The following LIMS1 variants were observed in gnomAD, a reference collection of about 807,000 sequenced individuals.
LIMS1 encodes LIM zinc finger domain containing 1.
Under a neutral mutation model 44.1 loss-of-function variants are expected in LIMS1, and 18 were observed. The ratio of observed to expected loss-of-function variants is 0.41; its 90% CI spans 0.28 to 0.61. The LOEUF is 0.61. LIMS1 is among the 20% of genes least tolerant of loss of function. The pLI is 0.32. For synonymous variants in LIMS1, 93 were observed against 149.1 expected, an observed-to-expected ratio of 0.62 and a Z score of 2.74; for missense variants, 201 against 422.0, an observed-to-expected ratio of 0.48 and a Z score of 4.59.
chr2:108,615,548 T>C (rs1184514695), intron 1 of LIMS1, among the ~76,000 whole-genome samples: 1 of 152,108 alleles, frequency 6.6e-6, no homozygotes, highest in Non-Finnish European at 1.5e-5. Context: ...AGCAGCTTTG[T>C]GACCAAAGAA....
At chr2:108,544,488 A>G (rs1684419300) in intron 1 of LIMS1, among the ~76,000 whole-genome samples, 1 of 152,114 alleles carries the variant, frequency 6.6e-6, no homozygotes, top group South Asian at 2.1e-4. Context: ...CAGCTTCAAC[A>G]ATTATTATTT....
intron 8 of LIMS1, among the ~76,000 whole-genome samples, chr2:108,680,037 A>G (rs1389090837): frequency 4.9e-4 from 75 of 151,910 alleles, no homozygotes; most frequent in Non-Finnish European, 7.4e-5. Context: ...CCGTCCTGGG[A>G]AACATGGCAA....
At chr2:108,670,987 G>A (rs970251545) in intron 3 of LIMS1, 140 bp downstream of exon 3, 59 of 1,096,670 alleles carry the variant, frequency 5.4e-5, no homozygotes, top group Non-Finnish European at 6.3e-5. Context: ...CCTGGCCAAC[G>A]TAGGGAAACC....
intron 1 of LIMS1, among the ~76,000 whole-genome samples, chr2:108,646,203 A>C (rs559122269): frequency 6.6e-6 from 1 of 152,292 alleles, no homozygotes; most frequent in African/African-American, 2.4e-5. Context: ...ACCACATAGC[A>C]CTTATTCTAA....
At position 108,676,718 on chromosome 2, in the gene LIMS1, G is replaced by T; in HGVS notation, c.774+20G>T. 1 of 1,320,212 alleles carries T rather than the reference G, an allele frequency of 7.6e-7. No individual in the cohort carries two copies. The highest frequency in any genetic ancestry group is 1.0e-6 in the Non-Finnish European group (1 of 959,152). The allele number at this position is 1,320,212 out of a possible 1,614,324, so 81.8% of individuals were successfully genotyped here. ...AACCAGGTATTGACCTTAGTCACTG[G>T]ATGCTAGATAGACTTTTATGAACCT... On this transcript the variant is annotated intron_variant, in intron 7 of 9. Transcript: ENST00000544547.
intron 1 of LIMS1, among the ~76,000 whole-genome samples, chr2:108,577,979 G>A (rs1444630090): frequency 6.6e-6 from 1 of 152,076 alleles, no homozygotes; most frequent in African/African-American, 2.4e-5. Flanking sequence ...GCACAGTCTC[G>A]GCTCACTGCA....
At chr2:108,610,220 A>G (rs1393977654) in intron 1 of LIMS1, among the ~76,000 whole-genome samples, 1 of 138,570 alleles carries the variant, frequency 7.2e-6, no homozygotes, top group Non-Finnish European at 1.6e-5. Flanking sequence ...ATTCTTTTTT[A>G]TTTTCTAAAA....
chr2:108,642,357 TG>T (rs1421838418), intron 1 of LIMS1, among the ~76,000 whole-genome samples: 7,643 of 25,892 alleles, frequency 0.3, 439 homozygotes, highest in Middle Eastern at 0.43. Flanking sequence ...TTTTTTTTTT[TG>T]TTTTTTGTTT....
At chr2:108,613,096 T>G (rs1687746648) in intron 1 of LIMS1, among the ~76,000 whole-genome samples, 1 of 152,212 alleles carries the variant, frequency 6.6e-6, no homozygotes, top group Non-Finnish European at 1.5e-5. Context: ...TTTCCCCATC[T>G]GTAAATGGGT....
chr2:108,632,618 A>G (rs1437185092), intron 1 of LIMS1, among the ~76,000 whole-genome samples: 1 of 152,140 alleles, frequency 6.6e-6, no homozygotes, highest in African/African-American at 2.4e-5. Flanking sequence ...ATGAATGGTA[A>G]GCGAGCCAAA....
At chr2:108,592,124 C>G (rs1481742747) in intron 1 of LIMS1, among the ~76,000 whole-genome samples, 1 of 152,026 alleles carries the variant, frequency 6.6e-6, no homozygotes, top group Admixed American at 6.6e-5. Context: ...CGGGGACTTA[C>G]AGTGATTTTA....
chr2:108,577,239 G>C (rs1685704457), intron 1 of LIMS1, among the ~76,000 whole-genome samples: 1 of 152,194 alleles, frequency 6.6e-6, no homozygotes, highest in Non-Finnish European at 1.5e-5. Flanking sequence ...TACTCCCTGA[G>C]AATTCCCTTT....
upstream of LIMS1, chr2:108,533,721 G>A (rs996362757): frequency 1.3e-5 from 2 of 152,582 alleles, no homozygotes; most frequent in Admixed American, 6.5e-5. Context: ...CAAAATTTCA[G>A]GTTTTGATAG....
At chr2:108,569,108 G>A (rs984233074) in intron 1 of LIMS1, among the ~76,000 whole-genome samples, 1 of 152,104 alleles carries the variant, frequency 6.6e-6, no homozygotes, top group Non-Finnish European at 1.5e-5. Flanking sequence ...GGCCAGGCTG[G>A]TCTCGAACTC....
chr2:108,643,165 T>G (rs1356119255), intron 1 of LIMS1, among the ~76,000 whole-genome samples: 1 of 152,208 alleles, frequency 6.6e-6, no homozygotes, highest in Admixed American at 6.5e-5. Flanking sequence ...TGAGGGCTGA[T>G]TAGAGTATAG....
intron 1 of LIMS1, among the ~76,000 whole-genome samples, chr2:108,598,473 A>G (rs1573407503): frequency 6.6e-6 from 1 of 152,126 alleles, no homozygotes; most frequent in East Asian, 1.9e-4. Flanking sequence ...GGGCAGCCGG[A>G]TGGTTAGCTT....
intron 1 of LIMS1, among the ~76,000 whole-genome samples, chr2:108,573,500 TCAAAA>T (rs1428667476): frequency 1.3e-5 from 2 of 152,200 alleles, no homozygotes; most frequent in Non-Finnish European, 2.9e-5. Flanking sequence ...TAGGTGATCC[TCAAAA>T]CAACCCTGCA....
At chr2:108,557,101 A>T (rs956575381) in intron 1 of LIMS1, among the ~76,000 whole-genome samples, 1 of 152,100 alleles carries the variant, frequency 6.6e-6, no homozygotes, top group African/African-American at 2.4e-5. Context: ...CTTGACATAT[A>T]GGGTCTCACT....
At chr2:108,650,006 G>A (rs1031608842) in intron 1 of LIMS1, among the ~76,000 whole-genome samples, 4 of 152,202 alleles carry the variant, frequency 2.6e-5, no homozygotes, top group African/African-American at 7.2e-5. Flanking sequence ...AAAGAAAAAC[G>A]CCCTTAGGGA....
Sources: allele counts gnomAD v4.1 joint callset (sites outside exome capture counted in the v4.1 genomes callset), GRCh38; gene constraint gnomAD v4.1.1; transcripts MANE v1.5; gene names NCBI Gene and HGNC (gene_info 2026-07-23, HGNC 2026-07-21).